Variants in CAMTA1 observed in about 807,000 individuals in gnomAD.
CAMTA1 encodes calmodulin-binding transcription activator 1.
A neutral mutation model predicts 170.9 loss-of-function variants in CAMTA1; 27 were observed. The observed-to-expected ratio is 0.16, with a 90% CI of 0.12 to 0.22. The LOEUF (loss-of-function observed/expected upper bound fraction) is 0.22, where lower values mean the gene tolerates loss of function less well. Ranked by LOEUF, CAMTA1 falls within the 10% of genes least tolerant of loss-of-function variation. CAMTA1 has a pLI of 1.00. For synonymous variants in CAMTA1, 833 were observed against 891.5 expected, an observed-to-expected ratio of 0.93 and a Z score of 1.17; for missense variants, 1,619 against 2,217.2, an observed-to-expected ratio of 0.73 and a Z score of 5.42.
intron 3 of CAMTA1, among the ~76,000 whole-genome samples, chr1:6,972,123 C>G (rs995163588): frequency 6.6e-6 from 1 of 152,126 alleles, no homozygotes; most frequent in African/African-American, 2.4e-5. Context: ...CAACAAGGGG[C>G]TTCCCTGTTG....
chr1:7,643,895 G>T (rs1034216072), intron 7 of CAMTA1, among the ~76,000 whole-genome samples: 1 of 99,966 alleles, frequency 1.0e-5, no homozygotes, highest in Non-Finnish European at 1.7e-5. Flanking sequence ...AGCTAAGTGT[G>T]TGTGTCCGGG....
intron 5 of CAMTA1, among the ~76,000 whole-genome samples, chr1:7,289,527 C>G (rs547167836): frequency 6.6e-6 from 1 of 152,210 alleles, no homozygotes; most frequent in African/African-American, 2.4e-5. Context: ...CTCTCACCTT[C>G]GTGTGTTTGT....
chr1:7,104,114 ACACACAACACACATAACTACACACG>A (rs1442626819), intron 4 of CAMTA1, among the ~76,000 whole-genome samples: 88 of 55,480 alleles, frequency 1.6e-3, no homozygotes, highest in African/African-American at 5.3e-3. Context: ...ACACACATGT[ACACACAACACACATAACTACACACG>A]TACACACAAC....
chr1:7,079,638 AT>A (rs60401781), intron 3 of CAMTA1, among the ~76,000 whole-genome samples: 4,099 of 144,072 alleles, frequency 0.028, 45 homozygotes, highest in African/African-American at 0.038. Context: ...CGCCTGGCTA[AT>A]TTTTTTTTTT....
chr1:7,026,134 GAAAC>G (rs1701987490), intron 3 of CAMTA1, among the ~76,000 whole-genome samples: 1 of 150,550 alleles, frequency 6.6e-6, no homozygotes, highest in Admixed American at 6.6e-5. Context: ...AAAAAAAAAA[GAAAC>G]AAAAAGATTT....
chr1:6,788,861 C>T lies in CAMTA1; in HGVS notation c.45+3286C>T, dbSNP rs1176184916. Among the ~76,000 whole-genome samples the T allele has an allele frequency of 2.0e-5, 3 of 152,126 alleles. No homozygotes were observed. The East Asian group carries it at 5.8e-4, about 29-fold the overall frequency. On this transcript the variant is annotated intron_variant, in intron 1 of 22. Transcript: ENST00000303635. ...GTGGTTGTGTTTCTGTGTCACTGGTCGCCACAGATGATTGGAAATTAGCTT... is the reference window on the plus strand; with the variant it reads ...GTGGTTGTGTTTCTGTGTCACTGGTTGCCACAGATGATTGGAAATTAGCTT...
rs966463673 is a variant in CAMTA1, at chr1:7,456,268, G to A, written c.439-11562G>A. On this transcript the variant is annotated intron_variant, in intron 5 of 22. Transcript: ENST00000303635. This position sits in a 1 kb window ranked among gnomAD's most constrained non-coding sequence, Gnocchi z 4.9. Reference sequence around the variant, plus strand: ...AGGGAGGAAGGGAGGAAGGGGGGCAGGGAGGCAAGAAGAATGGGAGGGAGG... The same window carrying A: ...AGGGAGGAAGGGAGGAAGGGGGGCAAGGAGGCAAGAAGAATGGGAGGGAGG... 8.6e-5 allele frequency among the ~76,000 whole-genome samples: 13 copies of A among 150,586 alleles called. No individual in the cohort carries two copies. The highest frequency in any genetic ancestry group is 2.6e-4 in the Admixed American group (4 of 15,112).
rs562708672 is a variant in CAMTA1 at position 7,443,249 on chromosome 1, C to G, written c.439-24581C>G. On this transcript the variant is annotated intron_variant, in intron 5 of 22. Transcript: ENST00000303635. The surrounding 1 kb of genome is among the most constrained non-coding windows in gnomAD (Gnocchi z 4.1). Reference sequence around the variant, plus strand: ...GATCTGCATGAAGTCCATTTCCCCACTTTCGTGGGGTACAGTCCCCTTGAG... The same window carrying G: ...GATCTGCATGAAGTCCATTTCCCCAGTTTCGTGGGGTACAGTCCCCTTGAG... Among the ~76,000 whole-genome samples the G allele has an allele frequency of 4.6e-4, 70 of 152,352 alleles. No homozygotes were observed. The highest frequency in any genetic ancestry group is 9.1e-4 in the Non-Finnish European group (62 of 68,036).
At chr1:6,988,419 A>G (rs753292943) in intron 3 of CAMTA1, among the ~76,000 whole-genome samples, 14 of 152,194 alleles carry the variant, frequency 9.2e-5, no homozygotes, top group Admixed American at 1.3e-4. Flanking sequence ...CTGCAAATTA[A>G]CAATCTGACT....
chr1:7,386,557 T>A (rs945761159), intron 5 of CAMTA1, among the ~76,000 whole-genome samples: 1 of 152,140 alleles, frequency 6.6e-6, no homozygotes, highest in Non-Finnish European at 1.5e-5. Context: ...CCAACTAACA[T>A]CTGCCAAGGC....
At chr1:7,267,577 T>C (rs1574316442) in intron 5 of CAMTA1, among the ~76,000 whole-genome samples, 1 of 152,176 alleles carries the variant, frequency 6.6e-6, no homozygotes, top group South Asian at 2.1e-4. Flanking sequence ...CATATTTAAC[T>C]GTTCAGACCT....
intron 6 of CAMTA1, among the ~76,000 whole-genome samples, chr1:7,471,511 G>C (rs1397910135): frequency 6.6e-6 from 1 of 152,188 alleles, no homozygotes; most frequent in East Asian, 1.9e-4. Context: ...CATTGCTGGG[G>C]GCTCTGTGTC....
chr1:7,080,690 A>G (rs535005432), intron 3 of CAMTA1, among the ~76,000 whole-genome samples: 1 of 152,158 alleles, frequency 6.6e-6, no homozygotes, highest in Non-Finnish European at 1.5e-5. Context: ...GACCACCACC[A>G]TGCCAGGCTA....
At chr1:7,567,046 C>T (rs568368943) in intron 6 of CAMTA1, among the ~76,000 whole-genome samples, 19 of 152,220 alleles carry the variant, frequency 1.2e-4, no homozygotes, top group Admixed American at 2.0e-4. Flanking sequence ...GAGCAGACAG[C>T]TGTTAGGGAA....
chr1:7,010,672 C>T lies in CAMTA1; in HGVS notation c.235-80632C>T, dbSNP rs1699649360. 6.6e-6 allele frequency among the ~76,000 whole-genome samples: 1 copy of T among 152,172 alleles called. No individual in the cohort carries two copies. The highest frequency in any genetic ancestry group is 1.5e-5 in the Non-Finnish European group (1 of 68,034). Reference sequence around the variant, plus strand: ...CATGGGGCCTGGCACCGAATAGGTGCTGTTTACGTGATAGCTTGTATGGTT... The same window carrying T: ...CATGGGGCCTGGCACCGAATAGGTGTTGTTTACGTGATAGCTTGTATGGTT... On this transcript the variant is annotated intron_variant, in intron 3 of 22. Coordinates refer to ENST00000303635, the MANE Select transcript of CAMTA1 (RefSeq NM_015215.4). The surrounding 1 kb of genome is among the most constrained non-coding windows in gnomAD (Gnocchi z 4.4).
intron 5 of CAMTA1, among the ~76,000 whole-genome samples, chr1:7,464,914 C>T (rs6692613): frequency 0.53 from 79,984 of 151,572 alleles, 22,146 homozygotes; most frequent in African/African-American, 0.65. Context: ...CTCCACCTCT[C>T]GCCGAGGCCC....
intron 3 of CAMTA1, among the ~76,000 whole-genome samples, chr1:6,860,907 A>G (rs975634791): frequency 1.3e-5 from 2 of 151,146 alleles, no homozygotes; most frequent in Non-Finnish European, 2.9e-5. Context: ...GTGAGACTCC[A>G]TCTCAAAAAA....
chr1:7,255,212 A>G (rs974594775), intron 5 of CAMTA1, among the ~76,000 whole-genome samples: 2 of 152,108 alleles, frequency 1.3e-5, no homozygotes, highest in African/African-American at 2.4e-5. Flanking sequence ...GGTGCAGCGA[A>G]CCACTGTGGC....
intron 3 of CAMTA1, among the ~76,000 whole-genome samples, chr1:6,958,030 G>C (rs935066377): frequency 3.3e-5 from 5 of 152,168 alleles, no homozygotes; most frequent in African/African-American, 9.7e-5. Context: ...TTTTCTAGGG[G>C]CTCCCAGTCA....
Sources: gnomAD v4.1 joint callset for allele counts (sites outside exome capture counted in the v4.1 genomes callset) on GRCh38, gnomAD v4.1.1 for gene constraint, Gnocchi (gnomAD v3.1) non-coding constraint, MANE v1.5 for transcripts, NCBI Gene and HGNC (gene_info 2026-07-23, HGNC 2026-07-21) for gene names.